ERBB4: variants seen among roughly 807,000 people sequenced by gnomAD.
The protein encoded by ERBB4 is receptor tyrosine-protein kinase erbB-4.
In ERBB4, 42 loss-of-function variants were observed where a neutral mutation model predicts 158.0. The observed-to-expected ratio is 0.27, with a 90% confidence interval of 0.21 to 0.34. The LOEUF is 0.34. ERBB4 is among the 10% of genes least tolerant of loss of function. The pLI is 1.00. For synonymous variants in ERBB4, 583 were observed against 558.7 expected (o/e 1.04, Z -0.61); for missense variants, 1,333 against 1,624.1 (o/e 0.82, Z 3.08).
At chr2:212,387,056 C>T (rs1281863396) in intron 1 of ERBB4, among the ~76,000 whole-genome samples, 5 of 151,986 alleles carry the variant, frequency 3.3e-5, no homozygotes, top group African/African-American at 1.2e-4. Flanking sequence ...ACATAATCAC[C>T]TTTTCTTTTC....
intron 4 of ERBB4, 30 bp from the exon 5 acceptor site, chr2:211,750,734 T>C (rs1426558685): frequency 1.9e-6 from 3 of 1,590,674 alleles, no homozygotes; most frequent in Non-Finnish European, 2.6e-6. Context: ...AAAAAGGACA[T>C]GCACGTTATA....
chr2:211,990,580 T>A (rs539382273), intron 2 of ERBB4, among the ~76,000 whole-genome samples: 1 of 151,852 alleles, frequency 6.6e-6, no homozygotes, highest in South Asian at 2.1e-4. Context: ...CAGTTCCCAA[T>A]TTAGAACAAT....
intron 15 of ERBB4, among the ~76,000 whole-genome samples, chr2:211,662,145 CA>C (rs2071453441): frequency 7.4e-6 from 1 of 136,016 alleles, no homozygotes; most frequent in Non-Finnish European, 1.6e-5. Context: ...CAAAAACATG[CA>C]ATGAGATTTT....
At chr2:212,322,977 A>T (rs2087637417) in intron 1 of ERBB4, among the ~76,000 whole-genome samples, 1 of 150,456 alleles carries the variant, frequency 6.6e-6, no homozygotes, top group East Asian at 2.0e-4. Context: ...TTAAAAAAAA[A>T]TAGGGAGCTG....
intron 20 of ERBB4, among the ~76,000 whole-genome samples, chr2:211,557,344 G>T (rs2125712234): frequency 6.6e-6 from 1 of 152,228 alleles, no homozygotes; most frequent in Middle Eastern, 3.4e-3. Context: ...CAGAAAGGGA[G>T]AAAATTTTTG....
chr2:212,376,606 C>G (rs1006403467), intron 1 of ERBB4, among the ~76,000 whole-genome samples: 2 of 152,024 alleles, frequency 1.3e-5, no homozygotes, highest in Non-Finnish European at 2.9e-5. Context: ...AACTTACAGT[C>G]CTGATCTGGC....
intron 1 of ERBB4, among the ~76,000 whole-genome samples, chr2:212,480,594 A>G (rs575007920): frequency 3.9e-5 from 6 of 152,226 alleles, no homozygotes; most frequent in Admixed American, 1.3e-4. Flanking sequence ...GCATGTAAGT[A>G]TCATGTCTGT....
chr2:211,994,760 A>G (rs2082159365), intron 2 of ERBB4, among the ~76,000 whole-genome samples: 1 of 152,226 alleles, frequency 6.6e-6, no homozygotes, highest in African/African-American at 2.4e-5. Flanking sequence ...AGCCGTAGAT[A>G]TCACATTGAA....
At chr2:212,382,320 T>C (rs1286255727) in intron 1 of ERBB4, among the ~76,000 whole-genome samples, 2 of 150,584 alleles carry the variant, frequency 1.3e-5, no homozygotes, top group Non-Finnish European at 3.0e-5. Context: ...CACACATGTA[T>C]ATACACTATA....
chr2:211,839,034 T>C (rs548310929), intron 3 of ERBB4, among the ~76,000 whole-genome samples: 100 of 152,196 alleles, frequency 6.6e-4, no homozygotes, highest in African/African-American at 2.3e-3. Context: ...AATACAACAA[T>C]GGACCACCTC....
At chr2:211,639,841 C>A (rs958597118) in intron 16 of ERBB4, among the ~76,000 whole-genome samples, 5 of 152,056 alleles carry the variant, frequency 3.3e-5, no homozygotes, top group African/African-American at 1.2e-4. Context: ...CCTGACTTAG[C>A]CTCCCAAATA....
intron 2 of ERBB4, among the ~76,000 whole-genome samples, chr2:212,118,322 T>C (rs2079633508): frequency 1.3e-5 from 2 of 152,220 alleles, no homozygotes; most frequent in South Asian, 4.1e-4. Context: ...ACATCACTCC[T>C]GACTTTATTG....
At position 212,425,434 on chromosome 2, in the gene ERBB4, A is replaced by G. The variant is rs146560872; in HGVS notation, c.82+113015T>C. On this transcript the variant is annotated intron_variant, in intron 1 of 27. Transcript: ENST00000342788. Reference sequence around the variant, plus strand: ...TGTATATACACACATATGTATCCTTATATATTTATACAATAATCAGTATAT... The same window carrying G: ...TGTATATACACACATATGTATCCTTGTATATTTATACAATAATCAGTATAT... Among the ~76,000 whole-genome samples the G allele has an allele frequency of 8.9e-3, 1,330 of 149,934 alleles. 15 individuals are homozygous for G. Among genetic ancestry groups the G allele is most frequent in the African/African-American group, 0.031 (1,256 of 41,114 alleles).
chr2:212,184,058 T>C lies in ERBB4; in HGVS notation c.83-59155A>G, dbSNP rs559127283. Among the ~76,000 whole-genome samples the C allele has an allele frequency of 2.6e-5, 4 of 152,260 alleles. No homozygotes were observed. In the East Asian group the frequency reaches 7.7e-4, roughly 29 times the overall value. Reference sequence around the variant, plus strand: ...ACACATCACTAGCAATTTTGATAACTGCTTTTCTCCTGCCTTAGGTCATTA... The same window carrying C: ...ACACATCACTAGCAATTTTGATAACCGCTTTTCTCCTGCCTTAGGTCATTA... On this transcript the variant is annotated intron_variant, in intron 1 of 27. Transcript: ENST00000342788.
intron 20 of ERBB4, among the ~76,000 whole-genome samples, chr2:211,488,183 A>G (rs1407134778): frequency 1.3e-5 from 2 of 152,060 alleles, no homozygotes; most frequent in East Asian, 3.9e-4. Flanking sequence ...TCCTTCCCCC[A>G]GCATGTACAC....
intron 1 of ERBB4, among the ~76,000 whole-genome samples, chr2:212,436,542 A>C (rs1560316034): frequency 6.6e-6 from 1 of 152,086 alleles, no homozygotes; most frequent in Non-Finnish European, 1.5e-5. Flanking sequence ...ATCTTGTGTC[A>C]ATCTCTCAGA....
intron 1 of ERBB4, among the ~76,000 whole-genome samples, chr2:212,461,065 C>A (rs943182077): frequency 3.9e-5 from 6 of 152,126 alleles, no homozygotes; most frequent in African/African-American, 1.4e-4. Context: ...AAGTTTGCTG[C>A]AGGGGAAGGG....
chr2:212,501,354 A>T (rs1332261451), intron 1 of ERBB4, among the ~76,000 whole-genome samples: 2 of 152,140 alleles, frequency 1.3e-5, no homozygotes, highest in Non-Finnish European at 2.9e-5. Context: ...ACAGAATTAG[A>T]ATGTAAACTG....
At chr2:211,736,292 C>T (rs1398908910) in intron 5 of ERBB4, among the ~76,000 whole-genome samples, 1 of 152,104 alleles carries the variant, frequency 6.6e-6, no homozygotes, top group African/African-American at 2.4e-5. Flanking sequence ...TGTATTATGG[C>T]TCAGTACACA....
Sources: allele counts gnomAD v4.1 joint callset (sites outside exome capture counted in the v4.1 genomes callset), GRCh38; gene constraint gnomAD v4.1.1; transcripts MANE v1.5; gene names NCBI Gene and HGNC (gene_info 2026-07-23, HGNC 2026-07-21).